The following MTTP variants were observed in gnomAD, a reference collection of about 807,000 sequenced individuals.
MTTP encodes microsomal triglyceride transfer protein large subunit.
MTTP carries 49 observed loss-of-function variants against 90.6 expected under a neutral mutation model. The ratio of observed to expected loss-of-function variants is 0.54; its 90% CI spans 0.43 to 0.69. The LOEUF is 0.69. Ranked by LOEUF, MTTP falls within the 30% of genes least tolerant of loss-of-function variation. The pLI is 0.00. For missense variants in MTTP, 945 were observed against 1,067.5 expected, an observed-to-expected ratio of 0.89 and a Z score of 1.60; for synonymous variants, 347 against 384.2, an observed-to-expected ratio of 0.90 and a Z score of 1.13.
chr4:99,583,842 C>A (rs1415788068), intron 3 of MTTP: 3 of 477,930 alleles, frequency 6.3e-6, no homozygotes, highest in Non-Finnish European at 1.1e-5. Context: ...TGTAACAAAG[C>A]AAGTCATCAA....
At chr4:99,615,979 A>G (rs1303849866) in intron 15 of MTTP, among the ~76,000 whole-genome samples, 1 of 152,176 alleles carries the variant, frequency 6.6e-6, no homozygotes, top group Non-Finnish European at 1.5e-5. Context: ...AAGGACATAA[A>G]CCTATGCTCT....
chr4:99,609,638 A>AGCTTGCCCGCGCTCTTTCTTCCCTCGTG, intron 12 of MTTP, among the ~76,000 whole-genome samples: 2 of 152,334 alleles, frequency 1.3e-5, no homozygotes, highest in African/African-American at 4.8e-5. Flanking sequence ...GATCAGATTT[A>AGCTTGCCCGCGCTCTTTCTTCCCTCGTG]AGCATTCACC....
chr4:99,570,756 G>A, upstream of MTTP: 1 of 455,808 alleles, frequency 2.2e-6, no homozygotes, highest in Non-Finnish European at 4.4e-6. Flanking sequence ...CAGAAGAGAT[G>A]GTCAGAGTGA....
intron 1 of MTTP, among the ~76,000 whole-genome samples, chr4:99,568,200 AAAGG>A (rs1265583784): frequency 4.6e-5 from 7 of 152,234 alleles, no homozygotes; most frequent in African/African-American, 1.7e-4. Flanking sequence ...AAAGAAAATA[AAAGG>A]AAGGAAGAAA....
chr4:99,567,827 C>T (rs934883084), intron 1 of MTTP, among the ~76,000 whole-genome samples: 1 of 152,036 alleles, frequency 6.6e-6, no homozygotes, highest in Non-Finnish European at 1.5e-5. Context: ...AGAAAAGGAA[C>T]CTCTAGAGCC....
chr4:99,611,189 G>T lies in MTTP; in HGVS notation c.1816G>T (p.Asp606Tyr). 1.2e-6 allele frequency: 2 copies of T among 1,613,796 alleles called. No individual in the cohort carries two copies. Among genetic ancestry groups the T allele is most frequent in the South Asian group, 1.1e-5 (1 of 91,044 alleles). Residue 606 changes from aspartate (D) to tyrosine (Y), a missense_variant, in exon 13 of 18, where the codon GAC becomes TAC. Asp to Tyr is a radical substitution (Grantham distance 160). Coordinates refer to ENST00000265517, the MANE Select transcript of MTTP (RefSeq NM_001386140.1). ...VLKEMVAHNYDRFSRSGSSSA... is the reference protein window; with the variant it reads ...VLKEMVAHNYYRFSRSGSSSA... ...GAAGGAAATGGTCGCTCACAATTATGACCGTTTCTCCAGGAGTGGATCTTC... is the reference window on the plus strand; with the variant it reads ...GAAGGAAATGGTCGCTCACAATTATTACCGTTTCTCCAGGAGTGGATCTTC...
intron 15 of MTTP, among the ~76,000 whole-genome samples, chr4:99,614,739 C>T (rs1462260820): frequency 1.3e-5 from 2 of 152,210 alleles, no homozygotes; most frequent in Non-Finnish European, 1.5e-5. Flanking sequence ...TAAGAGGTCA[C>T]AGAGTCTGAC....
At chr4:99,614,225 C>T (rs1726034269) in intron 15 of MTTP, among the ~76,000 whole-genome samples, 1 of 152,246 alleles carries the variant, frequency 6.6e-6, no homozygotes, top group Non-Finnish European at 1.5e-5. Flanking sequence ...CCTTAAGCCA[C>T]AATTTCATAC....
chr4:99,574,266 T>C (rs779868656), upstream of MTTP, among the ~76,000 whole-genome samples: 6 of 152,180 alleles, frequency 3.9e-5, no homozygotes, highest in African/African-American at 4.8e-5. Flanking sequence ...GTTTCACACA[T>C]AAGGACAATC....
chr4:99,580,097 TGTTAACTG>T (rs1202773421), intron 1 of MTTP, among the ~76,000 whole-genome samples: 2 of 150,674 alleles, frequency 1.3e-5, no homozygotes, highest in Non-Finnish European at 3.0e-5. Flanking sequence ...TTTCTCTGCT[TGTTAACTG>T]GTGTAGTCCC....
At chr4:99,581,724 TTTTG>T (rs1326536374) in intron 1 of MTTP, among the ~76,000 whole-genome samples, 177 bp from the exon 2 acceptor site, 2 of 152,208 alleles carry the variant, frequency 1.3e-5, no homozygotes, top group African/African-American at 2.4e-5. Context: ...TTTGTTTGTT[TTTTG>T]TTTGTTTATC....
intron 8 of MTTP, 106 bp from the exon 9 acceptor site, chr4:99,600,459 C>A: frequency 1.8e-6 from 2 of 1,127,560 alleles, no homozygotes; most frequent in Non-Finnish European, 2.6e-6. Context: ...AAAAAAAAAT[C>A]ACTTCTTGAG....
chr4:99,590,683 AG>A (rs1310683446), intron 4 of MTTP, among the ~76,000 whole-genome samples: 1 of 152,184 alleles, frequency 6.6e-6, no homozygotes, highest in African/African-American at 2.4e-5. Context: ...CCCAGGAAAA[AG>A]CTCAGAGAAG....
chr4:99,621,164 A>G lies in MTTP; in HGVS notation c.2446A>G (p.Thr816Ala), dbSNP rs747371261. The G allele has an allele frequency of 1.2e-6, 2 of 1,613,996 alleles. No homozygotes were observed. The highest frequency in any genetic ancestry group is 1.3e-5 in the African/African-American group (1 of 74,920). ...AGAAGCAGGCTTGGAGTTTATCTCC[A>G]CAGTGCAGTTTTCTCAGTACCCATT... ...ETEAGLEFIS[T>A]VQFSQYPFLV... Residue 816 changes from threonine to alanine, a missense_variant, in exon 17 of 18, where the codon ACA becomes GCA. Coordinates refer to ENST00000265517, the MANE Select transcript of MTTP (RefSeq NM_001386140.1).
chr4:99,583,450 A>C lies in MTTP; in HGVS notation c.326A>C (p.Lys109Thr), dbSNP rs1725177687. The C allele has an allele frequency of 6.2e-7, 1 of 1,613,494 alleles. No homozygotes were observed. The highest frequency in any genetic ancestry group is 1.7e-5 in the Admixed American group (1 of 59,962). Residue 109 changes from lysine (K) to threonine (T), a missense_variant, in exon 3 of 18, where the codon AAA (lysine) becomes ACA (threonine). Lys to Thr is a moderately conservative substitution (Grantham distance 78). Transcript: ENST00000265517. The part of the protein sequence containing the change: ...KSIFKGKSPS[K>T]IMGKENLEAL... The stretch of plus-strand genomic sequence containing the variant: ...ATCTTCAAAGGAAAAAGCCCATCTA[A>C]AATAATGGGAAAGGAAAACTTGGAA...
rs187996413 is a variant in MTTP at position 99,588,720 on chromosome 4, T to C, written c.394-923T>C. On this transcript the variant is annotated intron_variant, in intron 3 of 17. Transcript: ENST00000265517. ...ATACACACATATATATATATGTTCA[T>C]ATATATACACACATATATATATGTT... Among the ~76,000 whole-genome samples the C allele has an allele frequency of 1.4e-3, 155 of 113,428 alleles. 3 individuals are homozygous for C. The highest frequency in any genetic ancestry group is 4.1e-3 in the African/African-American group (109 of 26,876). 74.4% of individuals were successfully genotyped at this position (113,428 alleles called of 152,430 possible).
At chr4:99,565,397 G>T (rs1185045270) in intron 1 of MTTP, among the ~76,000 whole-genome samples, 2 of 140,298 alleles carry the variant, frequency 1.4e-5, no homozygotes, top group African/African-American at 2.6e-5. Context: ...AATTTAAAAT[G>T]ATTCTATTAT....
intron 6 of MTTP, 114 bp from the exon 7 acceptor site, chr4:99,594,619 G>T: frequency 8.3e-7 from 1 of 1,204,492 alleles, no homozygotes; most frequent in South Asian, 1.3e-5. Flanking sequence ...TGAAAGACAT[G>T]GCTATATACA....
intron 15 of MTTP, among the ~76,000 whole-genome samples, chr4:99,617,080 A>G (rs1158849659): frequency 6.6e-6 from 1 of 152,234 alleles, no homozygotes; most frequent in East Asian, 1.9e-4. Flanking sequence ...TGTTTGGAGT[A>G]CACATACAGA....
Sources: gnomAD v4.1 joint callset for allele counts (sites outside exome capture counted in the v4.1 genomes callset) on GRCh38, gnomAD v4.1.1 for gene constraint, MANE v1.5 for transcripts, NCBI Gene and HGNC (gene_info 2026-07-23, HGNC 2026-07-21) for gene names.